Variants in MMAB observed in about 807,000 individuals in gnomAD.
MMAB encodes corrinoid adenosyltransferase MMAB.
Under a neutral mutation model 30.6 loss-of-function variants are expected in MMAB, and 17 were observed. The observed-to-expected ratio is 0.56, with a 90% CI of 0.38 to 0.83. The LOEUF (loss-of-function observed/expected upper bound fraction) is 0.83. MMAB is among the 40% of genes least tolerant of loss of function. The pLI, the probability that MMAB is intolerant of heterozygous loss-of-function variation, is 0.00. For missense variants in MMAB, 311 were observed against 331.6 expected (o/e 0.94, Z 0.48); for synonymous variants, 134 against 138.6 (o/e 0.97, Z 0.23).
chr12:109,566,384 T>A (rs1375436707), intron 3 of MMAB, among the ~76,000 whole-genome samples: 1 of 152,248 alleles, frequency 6.6e-6, no homozygotes, highest in Non-Finnish European at 1.5e-5. Flanking sequence ...ATCTTACAGT[T>A]AGAACTAAAC....
chr12:109,566,936 C>A (rs1884451400), intron 3 of MMAB: 2 of 455,260 alleles, frequency 4.4e-6, no homozygotes, highest in Admixed American at 4.7e-5. Context: ...CCACACACAC[C>A]AAGGGGTTTG....
In MMAB at chr12:109,569,885, A is replaced by C. The variant is rs924301726; in HGVS notation, c.197-1022T>G. The C allele has an allele frequency of 4.4e-5, 7 of 158,092 alleles. No individual in the cohort carries two copies. Among genetic ancestry groups the C allele is most frequent in the African/African-American group, 1.7e-4 (7 of 41,488 alleles). The allele number at this position is 158,092 out of a possible 1,614,324, so 9.8% of individuals were successfully genotyped here. A position where few individuals can be genotyped will look rare whatever the true frequency, so the allele number is the denominator to read the frequency against. On this transcript the variant is annotated intron_variant, in intron 2 of 8. Transcript: ENST00000545712. This position sits in a 1 kb window ranked among gnomAD's most constrained non-coding sequence, Gnocchi z 4.1. ...GACCAAACCTCCCCCTTCCCTGGCT[A>C]ATGTGAGTGACTGCTGCATCTTTAT...
chr12:109,566,923 C>T (rs757851058), intron 3 of MMAB: 21 of 454,824 alleles, frequency 4.6e-5, no homozygotes, highest in African/African-American at 4.0e-4. Context: ...TCTGGACCCC[C>T]TCCCACACAC....
chr12:109,564,832 C>A, intron 4 of MMAB: 1 of 533,958 alleles, frequency 1.9e-6, no homozygotes, highest in South Asian at 2.0e-5. Context: ...GCATTCACCA[C>A]TATGCCTGGC....
chr12:109,572,132 T>C (rs997061708), intron 1 of MMAB, among the ~76,000 whole-genome samples: 1 of 152,200 alleles, frequency 6.6e-6, no homozygotes, highest in African/African-American at 2.4e-5. Context: ...ATGGCTCAGA[T>C]GAGACACCTT....
Position 109,556,915 on chromosome 12 carries a change from G to A in MMAB, c.*113C>T. ...CAAAGCTGAGCTGGGACAAAAGGCTGCTTTGAGCCTCTCTGGGTGAGCTCT... is the reference window on the plus strand; with the variant it reads ...CAAAGCTGAGCTGGGACAAAAGGCTACTTTGAGCCTCTCTGGGTGAGCTCT... On this transcript the variant is annotated 3_prime_UTR_variant, in exon 9 of 9. Coordinates refer to ENST00000545712, the MANE Select transcript of MMAB (RefSeq NM_052845.4). 3 of 711,614 alleles carry A rather than the reference G, an allele frequency of 4.2e-6. No homozygotes were observed. The highest frequency in any genetic ancestry group is 5.0e-6 in the Non-Finnish European group (2 of 396,156). 44.1% of individuals were successfully genotyped at this position (711,614 alleles called of 1,614,324 possible). A position where few individuals can be genotyped will look rare whatever the true frequency, so the allele number is the denominator to read the frequency against.
Position 109,573,467 on chromosome 12 carries a change from C to G in MMAB, c.14G>C (p.Gly5Ala), listed in dbSNP as rs769048646. ...CCCCAGGCCAAGACGGCTCCCCAGG[C>G]CGCACACAGCCATGAGCCAGGCTGC... MAVC[G>A]LGSRLGLGSR... Residue 5 changes from glycine to alanine, a missense_variant, in exon 1 of 9, where the codon GGC becomes GCC. Coordinates refer to ENST00000545712, the MANE Select transcript of MMAB (RefSeq NM_052845.4). 6.2e-7 allele frequency: 1 copy of G among 1,605,020 alleles called. No individual in the cohort carries two copies. The highest frequency in any genetic ancestry group is 1.7e-5 in the Admixed American group (1 of 59,584).
At chr12:109,557,349 A>G (rs1463602460) in intron 8 of MMAB, among the ~76,000 whole-genome samples, 1 of 152,250 alleles carries the variant, frequency 6.6e-6, no homozygotes, top group Non-Finnish European at 1.5e-5. Flanking sequence ...TCCAGTGTCA[A>G]GGCTGGGGCC....
chr12:109,553,877 T>C lies in MMAB; in HGVS notation c.*3151A>G, dbSNP rs1883875482. The C allele has an allele frequency of 2.2e-6, 1 of 453,988 alleles. No homozygotes were observed. Among genetic ancestry groups the C allele is most frequent in the Non-Finnish European group, 4.4e-6 (1 of 226,804 alleles). The allele number at this position is 453,988 out of a possible 1,614,324, so 28.1% of individuals were successfully genotyped here. ...GTCGAGGCAGCAGCAAGGGTGACAT[T>C]GCCACTGACGGGGGCTTCCGAACTG... On this transcript the variant is annotated 3_prime_UTR_variant, in exon 9 of 9. Coordinates refer to ENST00000545712, the MANE Select transcript of MMAB (RefSeq NM_052845.4).
At position 109,556,852 on chromosome 12, in the gene MMAB, G is replaced by A. The variant is rs1328308945; in HGVS notation, c.*176C>T. 4.4e-6 allele frequency: 3 copies of A among 684,756 alleles called. No individual in the cohort carries two copies. Among genetic ancestry groups the A allele is most frequent in the Non-Finnish European group, 8.0e-6 (3 of 375,140 alleles). The allele number at this position is 684,756 out of a possible 1,614,324, so 42.4% of individuals were successfully genotyped here. A position where few individuals can be genotyped will look rare whatever the true frequency, so the allele number is the denominator to read the frequency against. ...GGGTCAGGGACAGAATCCCCAAAGG[G>A]TCACAGTCCCTTGAGGAAGGTGGCA... On this transcript the variant is annotated 3_prime_UTR_variant, in exon 9 of 9. Coordinates refer to ENST00000545712, the MANE Select transcript of MMAB (RefSeq NM_052845.4).
rs1181928672 is a variant in MMAB at position 109,556,841 on chromosome 12, A to C, written c.*187T>G. 1.5e-6 allele frequency: 1 copy of C among 681,292 alleles called. No individual in the cohort carries two copies. The highest frequency in any genetic ancestry group is 2.0e-5 in the Admixed American group (1 of 49,322). 42.2% of individuals were successfully genotyped at this position (681,292 alleles called of 1,614,324 possible). A position where few individuals can be genotyped will look rare whatever the true frequency, so the allele number is the denominator to read the frequency against. On this transcript the variant is annotated 3_prime_UTR_variant, in exon 9 of 9. Coordinates refer to ENST00000545712, the MANE Select transcript of MMAB (RefSeq NM_052845.4). ...TTGGGGAAGCAGGGTCAGGGACAGA[A>C]TCCCCAAAGGGTCACAGTCCCTTGA...
chr12:109,559,677 A>G (rs534379208), intron 7 of MMAB, among the ~76,000 whole-genome samples: 1 of 152,302 alleles, frequency 6.6e-6, no homozygotes. Flanking sequence ...TACATTAGAC[A>G]CTGGACGGCC....
Position 109,571,652 on chromosome 12 carries a change from T to C in MMAB, c.193A>G (p.Lys65Glu). Residue 65 changes from lysine (K) to glutamate (E), a missense_variant, in exon 2 of 9, where the codon AAA becomes GAA. Physicochemically the swap from Lys to Glu is moderately conservative, Grantham distance 56 (BLOSUM62 1). Coordinates refer to ENST00000545712, the MANE Select transcript of MMAB (RefSeq NM_052845.4). Reference protein sequence around the residue: ...IPKIYTKTGDKGFSSTFTGER... With the variant: ...IPKIYTKTGDEGFSSTFTGER... ...TTTTCACCTGTCCCCACCCTACCTT[T>C]GTCTCCCGTTTTGGTGTAAATCTTG... The C allele has an allele frequency of 6.2e-7, 1 of 1,614,066 alleles. No individual in the cohort carries two copies. The highest frequency in any genetic ancestry group is 1.1e-5 in the South Asian group (1 of 91,082).
At position 109,554,795 on chromosome 12, in the gene MMAB, AT is replaced by A; in HGVS notation, c.*2232del. On this transcript the variant is annotated 3_prime_UTR_variant, in exon 9 of 9. Transcript: ENST00000545712. ...TTTGAAAGGCACTGCAGAAGAGCAA[AT>A]GTTTTAAACACCCCATCCTTCCAGC... is the stretch of plus-strand genomic sequence containing the variant. 2.2e-6 allele frequency: 1 copy of A among 454,106 alleles called. No homozygotes were observed. The highest frequency in any genetic ancestry group is 1.6e-5 in the South Asian group (1 of 64,464). 28.1% of individuals were successfully genotyped at this position (454,106 alleles called of 1,614,324 possible).
At chr12:109,572,231 A>G (rs1884667520) in intron 1 of MMAB, among the ~76,000 whole-genome samples, 2 of 150,216 alleles carry the variant, frequency 1.3e-5, no homozygotes, top group South Asian at 4.2e-4. Flanking sequence ...TACCGAAATT[A>G]TTTATTTATT....
chr12:109,555,274 G>GTTT lies in MMAB; in HGVS notation c.*1753_*1754insAAA. 2 of 338,532 alleles carry GTTT rather than the reference G, an allele frequency of 5.9e-6. No homozygotes were observed. Among genetic ancestry groups the GTTT allele is most frequent in the Admixed American group, 3.7e-5 (1 of 27,300 alleles). The allele number at this position is 338,532 out of a possible 1,614,324, so 21.0% of individuals were successfully genotyped here. A position where few individuals can be genotyped will look rare whatever the true frequency, so the allele number is the denominator to read the frequency against. On this transcript the variant is annotated 3_prime_UTR_variant, in exon 9 of 9. Coordinates refer to ENST00000545712, the MANE Select transcript of MMAB (RefSeq NM_052845.4). ...CGAGCCTTAGTGATTGCGTTTTCAG[G>GTTT]GTTTTTTTTTTTTTTTTTTTTTTTT...
intron 4 of MMAB, among the ~76,000 whole-genome samples, chr12:109,564,560 T>A (rs73198422): frequency 1.2e-4 from 15 of 121,212 alleles, no homozygotes; most frequent in South Asian, 6.8e-4. Context: ...ATTTTTAATT[T>A]TTTTTTTTTT....
chr12:109,570,979 CATT>C (rs1884611686), intron 2 of MMAB, among the ~76,000 whole-genome samples: 1 of 151,242 alleles, frequency 6.6e-6, no homozygotes, highest in African/African-American at 2.4e-5. Context: ...AATATATACT[CATT>C]ATAAAAAATA....
rs1447918067 is a variant in MMAB at position 109,555,278 on chromosome 12, T to TTTC, written c.*1749_*1750insGAA. 4.8e-4 allele frequency: 92 copies of TTTC among 189,722 alleles called. No individual in the cohort carries two copies. Among genetic ancestry groups the TTTC allele is most frequent in the Non-Finnish European group, 8.8e-4 (80 of 90,504 alleles). The allele number at this position is 189,722 out of a possible 1,614,324, so 11.8% of individuals were successfully genotyped here. A position where few individuals can be genotyped will look rare whatever the true frequency, so the allele number is the denominator to read the frequency against. On this transcript the variant is annotated 3_prime_UTR_variant, in exon 9 of 9. Coordinates refer to ENST00000545712, the MANE Select transcript of MMAB (RefSeq NM_052845.4). ...CCTTAGTGATTGCGTTTTCAGGGTT[T>TTTC]TTTTTTTTTTTTTTTTTTTTTTGTG...
Sources: gnomAD v4.1 joint callset for allele counts (sites outside exome capture counted in the v4.1 genomes callset) on GRCh38, gnomAD v4.1.1 for gene constraint, Gnocchi (gnomAD v3.1) non-coding constraint, MANE v1.5 for transcripts, NCBI Gene and HGNC (gene_info 2026-07-23, HGNC 2026-07-21) for gene names.